The following ATP7B variants were observed in gnomAD, a reference collection of about 807,000 sequenced individuals.
ATP7B encodes copper-transporting ATPase 2.
ATP7B carries 113 observed loss-of-function variants against 118.9 expected under a neutral mutation model. That is an observed-to-expected ratio of 0.95 (90% CI 0.82 to 1.11). ATP7B has a LOEUF of 1.11. Ranked by LOEUF, ATP7B falls within the 50% of genes most tolerant of loss-of-function variation. The probability of loss-of-function intolerance (pLI) is 0.00; values close to 1 mark genes in which losing one functional copy is unlikely to be tolerated. For missense variants in ATP7B, 1,867 were observed against 1,871.4 expected (o/e 1.00, Z 0.04); for synonymous variants, 777 against 727.4 (o/e 1.07, Z -1.10).
chr13:51,992,495 T>C (rs1002398018), intron 1 of ATP7B, among the ~76,000 whole-genome samples: 4 of 152,226 alleles, frequency 2.6e-5, no homozygotes, highest in African/African-American at 4.8e-5. Context: ...TCCTACCATA[T>C]ACCAAGTGCT....
intron 7 of ATP7B, chr13:51,959,174 G>A (rs1191652004): frequency 6.4e-6 from 1 of 157,256 alleles, no homozygotes; most frequent in Non-Finnish European, 1.4e-5. Flanking sequence ...TTATACTTCA[G>A]TACGGTTTGA....
chr13:51,993,001 A>AAAAAAAAAT (rs1952996017), intron 1 of ATP7B, among the ~76,000 whole-genome samples: 1 of 150,368 alleles, frequency 6.7e-6, no homozygotes, highest in Non-Finnish European at 1.5e-5. Context: ...AAAAAAAAAA[A>AAAAAAAAAT]AGATAATACA....
intron 1 of ATP7B, among the ~76,000 whole-genome samples, chr13:51,979,294 T>G (rs1486966958): frequency 6.6e-6 from 1 of 152,158 alleles, no homozygotes; most frequent in African/African-American, 2.4e-5. Flanking sequence ...ACTACCTGTG[T>G]GAAACAAGAG....
chr13:52,003,831 G>GA (rs1394551783), intron 1 of ATP7B, among the ~76,000 whole-genome samples: 1 of 152,202 alleles, frequency 6.6e-6, no homozygotes. Context: ...CAGAGCTTCC[G>GA]AGAGAAGGTG....
chr13:51,934,289 C>G lies in ATP7B; in HGVS notation c.*467G>C. 1 of 265,936 alleles carries G rather than the reference C, an allele frequency of 3.8e-6. No individual in the cohort carries two copies. Among genetic ancestry groups the G allele is most frequent in the Non-Finnish European group, 7.5e-6 (1 of 133,200 alleles). The allele number at this position is 265,936 out of a possible 1,614,324, so 16.5% of individuals were successfully genotyped here. A position where few individuals can be genotyped will look rare whatever the true frequency, so the allele number is the denominator to read the frequency against. On this transcript the variant is annotated 3_prime_UTR_variant, in exon 21 of 21. Transcript: ENST00000242839. ...ATGCAGGAAGAAAGCAACAGGCACACCTGAGGTAAACTGTGGTCTCAGAAA... is the reference window on the plus strand; with the variant it reads ...ATGCAGGAAGAAAGCAACAGGCACAGCTGAGGTAAACTGTGGTCTCAGAAA...
chr13:51,960,899 C>T (rs1030076638), intron 6 of ATP7B, among the ~76,000 whole-genome samples: 9 of 152,162 alleles, frequency 5.9e-5, no homozygotes, highest in African/African-American at 2.2e-4. Flanking sequence ...AAATTCCAAC[C>T]GAGTGGTTGT....
At chr13:51,977,091 A>T (rs1269583971) in intron 1 of ATP7B, among the ~76,000 whole-genome samples, 1 of 152,208 alleles carries the variant, frequency 6.6e-6, no homozygotes, top group Non-Finnish European at 1.5e-5. Context: ...TGAGCCCAGG[A>T]GTTCAAGGTT....
Position 51,958,528 on chromosome 13 carries a change from T to C in ATP7B, c.2138A>G (p.Tyr713Cys), listed in dbSNP as rs756883878. ...AGATTTGTAGGCCTGAACGTAGAAG[T>C]ACCACCCACCGAGGAGCTGAAAGAC... ...CTFVQLLGGW[Y>C]FYVQAYKSLR... The change falls in exon 8 of 21, where the codon TAC becomes TGC. Residue 713 changes from tyrosine to cysteine, a missense_variant. Tyr to Cys is a radical substitution (Grantham distance 194, BLOSUM62 -2). Transcript: ENST00000242839. The C allele has an allele frequency of 5.6e-6, 9 of 1,613,986 alleles. No homozygotes were observed. The highest frequency in any genetic ancestry group is 2.2e-5 in the South Asian group (2 of 91,072).
At chr13:52,011,736 G>C (rs749629764), upstream of ATP7B, among the ~76,000 whole-genome samples, 1 of 152,246 alleles carries the variant, frequency 6.6e-6, no homozygotes, top group South Asian at 2.1e-4. Context: ...TGCCGGCGCC[G>C]CAGGGCGGAG....
At chr13:51,938,978 C>G in intron 17 of ATP7B, 73 bp downstream of exon 17, 1 of 1,611,058 alleles carries the variant, frequency 6.2e-7, no homozygotes, top group Non-Finnish European at 8.5e-7. Flanking sequence ...CAGTGCTGGG[C>G]CAACTGGTGC....
intron 1 of ATP7B, among the ~76,000 whole-genome samples, chr13:51,993,429 G>T (rs1221221377): frequency 6.6e-6 from 1 of 152,052 alleles, no homozygotes; most frequent in African/African-American, 2.4e-5. Flanking sequence ...TGGAAATGGT[G>T]GCATGCACCT....
At chr13:51,938,749 T>C (rs1224343996) in intron 17 of ATP7B, among the ~76,000 whole-genome samples, 1 of 152,192 alleles carries the variant, frequency 6.6e-6, no homozygotes, top group Admixed American at 6.5e-5. Context: ...AAAATGTCTA[T>C]CTCAGCCCTT....
chr13:51,967,026 T>C (rs1951585779), intron 4 of ATP7B: 1 of 1,611,860 alleles, frequency 6.2e-7, no homozygotes, highest in Non-Finnish European at 8.5e-7. Flanking sequence ...GTGCATTGGT[T>C]CAGCATCAGG....
At position 51,959,960 on chromosome 13, in the gene ATP7B, G is replaced by C. The variant is rs998782851; in HGVS notation, c.2121+188C>G. 1.3e-5 allele frequency: 10 copies of C among 758,032 alleles called. No homozygotes were observed. The Admixed American group carries it at 1.6e-4, about 12-fold the overall frequency. 47.0% of individuals were successfully genotyped at this position (758,032 alleles called of 1,614,324 possible). A position where few individuals can be genotyped will look rare whatever the true frequency, so the allele number is the denominator to read the frequency against. ...CCTTAGTAGTCCCCCACACTGGGGG[G>C]GCCCCAAGCCCCACCTACTGGTCAT... is the stretch of plus-strand genomic sequence containing the variant. On this transcript the variant is annotated intron_variant, in intron 7 of 20. Coordinates refer to ENST00000242839, the MANE Select transcript of ATP7B (RefSeq NM_000053.4).
intron 1 of ATP7B, among the ~76,000 whole-genome samples, chr13:51,975,786 C>A (rs1019610007): frequency 1.3e-5 from 2 of 152,204 alleles, no homozygotes; most frequent in Non-Finnish European, 2.9e-5. Context: ...GGCCACATGC[C>A]TGTGAAAAAG....
At chr13:51,958,823 A>C (rs1958533825) in intron 7 of ATP7B, 1 of 487,636 alleles carries the variant, frequency 2.1e-6, no homozygotes, top group East Asian at 3.9e-5. Context: ...GGGGAAAAAA[A>C]TCACGACTCA....
Position 51,958,402 on chromosome 13 carries a change from T to C in ATP7B, c.2264A>G (p.Lys755Arg). Residue 755 changes from lysine (K) to arginine (R), a missense_variant, in exon 8 of 21, where the codon AAG (lysine) becomes AGG (arginine). By Grantham distance (26) the Lys-to-Arg change is conservative. Coordinates refer to ENST00000242839, the MANE Select transcript of ATP7B (RefSeq NM_000053.4). ...LVILVVAVAE[K>R]AERSPVTFFD... is the part of the protein sequence containing the mutation. Reference sequence around the variant, plus strand: ...GAATGTCACAGGGCTCCTCTCCGCCTTCTCAGCCACAGCAACCACCAGGAT... The same window carrying C: ...GAATGTCACAGGGCTCCTCTCCGCCCTCTCAGCCACAGCAACCACCAGGAT... 6.2e-7 allele frequency: 1 copy of C among 1,614,198 alleles called. No individual in the cohort carries two copies. Among genetic ancestry groups the C allele is most frequent in the South Asian group, 1.1e-5 (1 of 91,082 alleles).
intron 9 of ATP7B, among the ~76,000 whole-genome samples, chr13:51,956,071 G>T (rs1172389390): frequency 6.6e-6 from 1 of 152,260 alleles, no homozygotes; most frequent in East Asian, 1.9e-4. Flanking sequence ...ACGATCTGTG[G>T]CAAGTGCTGG....
At chr13:52,003,469 A>G (rs1404633274) in intron 1 of ATP7B, among the ~76,000 whole-genome samples, 1 of 152,202 alleles carries the variant, frequency 6.6e-6, no homozygotes, top group Non-Finnish European at 1.5e-5. Flanking sequence ...AGCATCAAAG[A>G]GCACTGATCA....
Sources: gnomAD v4.1 joint callset for allele counts (sites outside exome capture counted in the v4.1 genomes callset) on GRCh38, gnomAD v4.1.1 for gene constraint, MANE v1.5 for transcripts, NCBI Gene and HGNC (gene_info 2026-07-23, HGNC 2026-07-21) for gene names.